Variants in MTMR8 observed in about 807,000 individuals in gnomAD.
MTMR8 encodes phosphatidylinositol-3,5-bisphosphate 3-phosphatase MTMR8.
A neutral mutation model predicts 39.3 loss-of-function variants in MTMR8; 65 were observed. The ratio of observed to expected loss-of-function variants is 1.65; its 90% CI spans 1.35 to 2.03. The LOEUF is 2.03. MTMR8 is among the 30% of genes most tolerant of loss of function. The pLI, the probability that MTMR8 is intolerant of heterozygous loss-of-function variation, is 0.00. For synonymous variants in MTMR8, 245 were observed against 185.2 expected (o/e 1.32, Z -2.62); for missense variants, 777 against 538.9 (o/e 1.44, Z -4.37).
rs752158941 is a variant in MTMR8, at chrX:64,343,734, G to A, written c.866-14C>T. 2.1e-5 allele frequency: 23 copies of A among 1,099,206 alleles called. No homozygotes were observed. Among genetic ancestry groups the A allele is most frequent in the Non-Finnish European group, 2.9e-5 (23 of 798,900 alleles). The allele number at this position is 1,099,206 out of a possible 1,213,427, so 90.6% of individuals were successfully genotyped here. On this transcript the variant is annotated splice_polypyrimidine_tract_variant and intron_variant, in intron 7 of 13. Transcript: ENST00000374852. ...TCAATTCACAAACTAAGGTAGAAAA[G>A]GAAGCAGAGATTGAAATTCACAATC...
chrX:64,376,580 C>T (rs1032993815), intron 1 of MTMR8, among the ~76,000 whole-genome samples: 16 of 112,034 alleles, frequency 1.4e-4, no homozygotes, highest in Non-Finnish European at 2.4e-4. Context: ...AAGATGTGCC[C>T]TGGCTGCCTC....
At position 64,268,682 on chromosome X, in the gene MTMR8, G is replaced by T. The variant is rs781591254; in HGVS notation, c.1970C>A (p.Ala657Asp). 34 of 1,209,396 alleles carry T rather than the reference G, an allele frequency of 2.8e-5. No homozygotes were observed. The highest frequency in any genetic ancestry group is 1.5e-4 in the Admixed American group (7 of 45,666). The change falls in exon 14 of 14, where the codon GCC becomes GAC. Residue 657 changes from alanine to aspartate, a missense_variant. Ala to Asp is a moderately radical substitution (Grantham distance 126). Transcript: ENST00000374852. ...GCCAGTGGCCTCAGAGATGTCCATGGCCCCACAGATTCCTAAGTCTTTGGA... is the reference window on the plus strand; with the variant it reads ...GCCAGTGGCCTCAGAGATGTCCATGTCCCCACAGATTCCTAAGTCTTTGGA... ...GFSKDLGICG[A>D]MDISEATGIS...
At chrX:64,319,738 G>T (rs761102164) in intron 12 of MTMR8, among the ~76,000 whole-genome samples, 3 of 110,660 alleles carry the variant, frequency 2.7e-5, no homozygotes, top group African/African-American at 9.9e-5. Flanking sequence ...ATTTCTGAGG[G>T]CTCTGTTCTG....
chrX:64,331,792 A>G, intron 10 of MTMR8, 35 bp from the exon 11 acceptor site: 1 of 1,098,491 alleles, frequency 9.1e-7, no homozygotes. Context: ...GAAAGACACT[A>G]GTTAGCATTA....
chrX:64,294,643 G>A (rs57119173), intron 12 of MTMR8, among the ~76,000 whole-genome samples: 12,313 of 111,258 alleles, frequency 0.11, 1,628 homozygotes, highest in African/African-American at 0.37. Flanking sequence ...ATGGAGGCTA[G>A]GAAGTGCAAG....
intron 12 of MTMR8, among the ~76,000 whole-genome samples, chrX:64,310,121 C>T (rs1171507324): frequency 8.9e-6 from 1 of 112,102 alleles, no homozygotes; most frequent in African/African-American, 3.2e-5. Context: ...TCCTTCAAAA[C>T]TGGAGACGAT....
At chrX:64,339,450 T>C (rs1018277312) in intron 8 of MTMR8, among the ~76,000 whole-genome samples, 6 of 111,451 alleles carry the variant, frequency 5.4e-5, no homozygotes, top group African/African-American at 2.0e-4. Flanking sequence ...ATAAGACCTC[T>C]GGAAGAGCAA....
At chrX:64,370,379 A>T (rs1490088005) in intron 1 of MTMR8, among the ~76,000 whole-genome samples, 2 of 102,532 alleles carry the variant, frequency 2.0e-5, no homozygotes, top group African/African-American at 3.6e-5. Context: ...TTTCATTTAT[A>T]AAAAAAAAAA....
At chrX:64,287,443 T>C (rs1409441454) in intron 12 of MTMR8, among the ~76,000 whole-genome samples, 1 of 111,318 alleles carries the variant, frequency 9.0e-6, no homozygotes, top group African/African-American at 3.3e-5. Flanking sequence ...ATGACTTTCT[T>C]CACAGAATTG....
intron 12 of MTMR8, among the ~76,000 whole-genome samples, chrX:64,315,883 T>C (rs1922452591): frequency 9.0e-6 from 1 of 111,340 alleles, no homozygotes; most frequent in Admixed American, 9.6e-5. Context: ...TATCTCCTTG[T>C]ATAGGTCTTT....
In MTMR8 at chrX:64,348,557, C is replaced by T. The variant is rs1923403368; in HGVS notation, c.732+103G>A. 1.3e-5 allele frequency: 13 copies of T among 986,465 alleles called. No individual in the cohort carries two copies. The Admixed American group carries it at 2.7e-4, about 20-fold the overall frequency. 81.3% of individuals were successfully genotyped at this position (986,465 alleles called of 1,213,427 possible). ...CACAATGTCTGACATAATAAACACA[C>T]ATACACAAACCTAACTTTCCCAATA... On this transcript the variant is annotated intron_variant, in intron 6 of 13. Coordinates refer to ENST00000374852, the MANE Select transcript of MTMR8 (RefSeq NM_017677.4).
At chrX:64,390,064 G>C (rs933155099) in intron 1 of MTMR8, among the ~76,000 whole-genome samples, 1 of 111,373 alleles carries the variant, frequency 9.0e-6, no homozygotes. Flanking sequence ...TCTTTATTTT[G>C]ACCCTGCTTC....
intron 6 of MTMR8, among the ~76,000 whole-genome samples, chrX:64,346,989 C>G (rs886066770): frequency 2.2e-4 from 25 of 111,238 alleles, no homozygotes; most frequent in African/African-American, 7.8e-4. Context: ...ATTACAGCCT[C>G]TCAAAATGGG....
In MTMR8 at chrX:64,395,398, T is replaced by G; in HGVS notation, c.-35A>C. The G allele has an allele frequency of 8.3e-7, 1 of 1,201,456 alleles. No individual in the cohort carries two copies. Among genetic ancestry groups the G allele is most frequent in the South Asian group, 1.8e-5 (1 of 56,603 alleles). ...TCCCGCCACCGGAAGATCTCAGTGC[T>G]ACTCCAGATGCCGCCGCCACCGGTC... On this transcript the variant is annotated 5_prime_UTR_variant, in exon 1 of 14. Transcript: ENST00000374852.
chrX:64,303,819 A>T (rs770120599), intron 12 of MTMR8, among the ~76,000 whole-genome samples: 5 of 112,402 alleles, frequency 4.4e-5, no homozygotes, highest in Non-Finnish European at 9.4e-5. Context: ...ACACAACTGA[A>T]ACTTTTTTCT....
chrX:64,308,222 T>A (rs1028773377), intron 12 of MTMR8, among the ~76,000 whole-genome samples: 2 of 111,162 alleles, frequency 1.8e-5, no homozygotes, highest in African/African-American at 6.5e-5. Flanking sequence ...TAATACTTTT[T>A]TTTTTATTAT....
At chrX:64,325,792 A>C (rs1228569779) in intron 12 of MTMR8, among the ~76,000 whole-genome samples, 2 of 111,919 alleles carry the variant, frequency 1.8e-5, no homozygotes, top group Middle Eastern at 4.7e-3. Flanking sequence ...AGCCACAGCA[A>C]TTAGGCAAGA....
intron 1 of MTMR8, among the ~76,000 whole-genome samples, chrX:64,390,771 C>A (rs978595244): frequency 3.6e-5 from 4 of 110,651 alleles, no homozygotes; most frequent in Non-Finnish European, 7.6e-5. Flanking sequence ...CACCGCCCCC[C>A]CAGCCTCTCG....
chrX:64,268,414 TG>T lies in MTMR8; in HGVS notation c.*122del. The stretch of plus-strand genomic sequence containing the variant: ...AAAGTAATTCCCTTCCAGACTTAAG[TG>T]GGGAGAGGGGTGCCCTGGCTTCACC... On this transcript the variant is annotated 3_prime_UTR_variant, in exon 14 of 14. Coordinates refer to ENST00000374852, the MANE Select transcript of MTMR8 (RefSeq NM_017677.4). 1 of 818,975 alleles carries T rather than the reference TG, an allele frequency of 1.2e-6. No individual in the cohort carries two copies. Among genetic ancestry groups the T allele is most frequent in the Non-Finnish European group, 1.7e-6 (1 of 582,674 alleles). The allele number at this position is 818,975 out of a possible 1,213,427, so 67.5% of individuals were successfully genotyped here.
Sources: allele counts gnomAD v4.1 joint callset (sites outside exome capture counted in the v4.1 genomes callset), GRCh38; gene constraint gnomAD v4.1.1; transcripts MANE v1.5; gene names NCBI Gene and HGNC (gene_info 2026-07-23, HGNC 2026-07-21).